The following DCAF7 variants were observed in gnomAD, a reference collection of about 807,000 sequenced individuals.
The protein encoded by DCAF7 is DDB1- and CUL4-associated factor 7.
DCAF7 carries 4 observed loss-of-function variants against 41.2 expected under a neutral mutation model. That is an observed-to-expected ratio of 0.10 (90% CI 0.05 to 0.22). DCAF7 has a LOEUF of 0.22. DCAF7 is among the 10% of genes least tolerant of loss of function. The probability of loss-of-function intolerance (pLI) is 1.00; values close to 1 mark genes in which losing one functional copy is unlikely to be tolerated. For synonymous variants in DCAF7, 143 were observed against 164.2 expected, an observed-to-expected ratio of 0.87 and a Z score of 0.99; for missense variants, 131 against 443.2, an observed-to-expected ratio of 0.30 and a Z score of 6.32.
intron 4 of DCAF7, among the ~76,000 whole-genome samples, chr17:63,581,633 A>G (rs2033623706): frequency 6.6e-6 from 1 of 152,226 alleles, no homozygotes; most frequent in Admixed American, 6.5e-5. Flanking sequence ...GACCCTGCCA[A>G]ATGCACGCTG....
At chr17:63,562,991 GTTATT>G (rs1478081155) in intron 1 of DCAF7, among the ~76,000 whole-genome samples, 1 of 151,714 alleles carries the variant, frequency 6.6e-6, no homozygotes, top group Non-Finnish European at 1.5e-5. Flanking sequence ...TGCCTGGCTA[GTTATT>G]TTTATTTTTT....
chr17:63,568,951 C>T (rs756047336), intron 1 of DCAF7, among the ~76,000 whole-genome samples: 2 of 152,196 alleles, frequency 1.3e-5, no homozygotes, highest in Non-Finnish European at 2.9e-5. Flanking sequence ...GTCTTAATTC[C>T]AAATGCTTAG....
chr17:63,552,698 A>G (rs1162347749), intron 1 of DCAF7: 1 of 152,238 alleles, frequency 6.6e-6, no homozygotes, highest in African/African-American at 2.4e-5. Flanking sequence ...TGGGTAAGCA[A>G]TAGTTACTCC....
At chr17:63,588,100 A>G (rs1011544179) in intron 6 of DCAF7, among the ~76,000 whole-genome samples, 3 of 151,228 alleles carry the variant, frequency 2.0e-5, no homozygotes, top group African/African-American at 7.3e-5. Context: ...TCTCATTTTA[A>G]TATATTTCCT....
chr17:63,563,023 G>T (rs757814254), intron 1 of DCAF7, among the ~76,000 whole-genome samples: 1 of 151,758 alleles, frequency 6.6e-6, no homozygotes, highest in African/African-American at 2.4e-5. Context: ...ATGGGATCTC[G>T]CCATATTGCC....
At chr17:63,559,352 T>TGTATATATATATAC (rs2033347271) in intron 1 of DCAF7, among the ~76,000 whole-genome samples, 62 of 133,340 alleles carry the variant, frequency 4.6e-4, no homozygotes, top group African/African-American at 1.9e-3. Flanking sequence ...TATATACGTA[T>TGTATATATATATAC]ATATATGTAT....
At chr17:63,568,779 C>G (rs527375322) in intron 1 of DCAF7, among the ~76,000 whole-genome samples, 1 of 152,268 alleles carries the variant, frequency 6.6e-6, no homozygotes, top group Admixed American at 6.5e-5. Flanking sequence ...TGTCTCACAC[C>G]CTGCCCCACC....
intron 1 of DCAF7, among the ~76,000 whole-genome samples, chr17:63,570,530 C>T (rs2033495278): frequency 6.6e-6 from 1 of 152,002 alleles, no homozygotes; most frequent in Non-Finnish European, 1.5e-5. Context: ...TCATATATAT[C>T]CTTGATAGGG....
chr17:63,564,548 T>C (rs1263786645), intron 1 of DCAF7, among the ~76,000 whole-genome samples: 1 of 152,206 alleles, frequency 6.6e-6, no homozygotes, highest in Non-Finnish European at 1.5e-5. Context: ...GAAGCCTCAG[T>C]GAAACTTTCT....
At chr17:63,551,287 C>T (rs1197244006) in intron 1 of DCAF7, among the ~76,000 whole-genome samples, 1 of 143,330 alleles carries the variant, frequency 7.0e-6, no homozygotes, top group Non-Finnish European at 1.6e-5. Flanking sequence ...ATTGTACAAG[C>T]TTCCCCGCCC....
intron 4 of DCAF7, among the ~76,000 whole-genome samples, 155 bp downstream of exon 4, chr17:63,580,098 C>T (rs551111229): frequency 2.8e-4 from 43 of 152,178 alleles, no homozygotes; most frequent in South Asian, 8.3e-4. Context: ...GTATCAAAAA[C>T]GGGAAAACAA....
chr17:63,573,645 G>A (rs1211473728), intron 1 of DCAF7, among the ~76,000 whole-genome samples: 4 of 151,414 alleles, frequency 2.6e-5, no homozygotes, highest in East Asian at 3.9e-4. Context: ...CAGGAGAATC[G>A]CTTAAACCTG....
At chr17:63,575,963 A>C (rs1240450764) in intron 1 of DCAF7, among the ~76,000 whole-genome samples, 1 of 152,270 alleles carries the variant, frequency 6.6e-6, no homozygotes, top group Non-Finnish European at 1.5e-5. Context: ...CTAGAAAGCT[A>C]CTATAATCAA....
In DCAF7 at chr17:63,550,623, C is replaced by A. The variant is rs2033238374; in HGVS notation, c.-55C>A. ...GACCCATAGATCTCAGGCTCGGCTC[C>A]CCGCCCGCCGCAGCCCACTGTTGAC... is the stretch of plus-strand genomic sequence containing the variant. On this transcript the variant is annotated 5_prime_UTR_variant, in exon 1 of 7. Coordinates refer to ENST00000614556, the MANE Select transcript of DCAF7 (RefSeq NM_005828.5). This position sits in a 1 kb window ranked among gnomAD's most constrained non-coding sequence, Gnocchi z 4.8. 1.9e-6 allele frequency: 3 copies of A among 1,597,446 alleles called. No homozygotes were observed. The African/African-American group carries it at 4.0e-5, about 21-fold the overall frequency.
intron 6 of DCAF7, among the ~76,000 whole-genome samples, chr17:63,588,189 A>ATTTTTCTTTTT (rs2033697521): frequency 8.3e-6 from 1 of 120,262 alleles, no homozygotes; most frequent in African/African-American, 3.9e-5. Context: ...ATTTTCTTGG[A>ATTTTTCTTTTT]TTTTTTTTTT....
intron 1 of DCAF7, among the ~76,000 whole-genome samples, chr17:63,565,153 G>A (rs1432099778): frequency 6.6e-6 from 1 of 152,118 alleles, no homozygotes; most frequent in Non-Finnish European, 1.5e-5. Context: ...AAGAGAGAAA[G>A]TCCTTACAAA....
chr17:63,576,215 G>A (rs2033560233), intron 1 of DCAF7, among the ~76,000 whole-genome samples: 1 of 152,190 alleles, frequency 6.6e-6, no homozygotes, highest in South Asian at 2.1e-4. Flanking sequence ...GCCGAGGCGT[G>A]TGGATCACCT....
chr17:63,564,284 T>C (rs993908946), intron 1 of DCAF7, among the ~76,000 whole-genome samples: 1 of 152,134 alleles, frequency 6.6e-6, no homozygotes, highest in Non-Finnish European at 1.5e-5. Flanking sequence ...TGGAATGTCA[T>C]CAAAATAGAT....
intron 1 of DCAF7, among the ~76,000 whole-genome samples, chr17:63,556,685 G>A (rs534276007): frequency 2.6e-5 from 4 of 151,992 alleles, no homozygotes; most frequent in East Asian, 3.9e-4. Flanking sequence ...TGACCAACAT[G>A]GTGAAACCCC....
Sources: gnomAD v4.1 joint callset for allele counts (sites outside exome capture counted in the v4.1 genomes callset) on GRCh38, gnomAD v4.1.1 for gene constraint, Gnocchi (gnomAD v3.1) non-coding constraint, MANE v1.5 for transcripts, NCBI Gene and HGNC (gene_info 2026-07-23, HGNC 2026-07-21) for gene names.